LRP1B: variants seen among roughly 807,000 people sequenced by gnomAD.
LRP1B encodes LDL receptor related protein 1B.
A neutral mutation model predicts 556.6 loss-of-function variants in LRP1B; 217 were observed. The ratio of observed to expected loss-of-function variants is 0.39; its 90% CI spans 0.35 to 0.44. The LOEUF is 0.44. Ranked by LOEUF, LRP1B falls within the 20% of genes least tolerant of loss-of-function variation. The probability of loss-of-function intolerance (pLI) is 1.00; values close to 1 mark genes in which losing one functional copy is unlikely to be tolerated. For synonymous variants in LRP1B, 2,047 were observed against 1,865.8 expected (o/e 1.10, Z -2.50); for missense variants, 5,053 against 5,620.8 (o/e 0.90, Z 3.23).
At chr2:142,107,466 C>T (rs1706787034) in intron 1 of LRP1B, among the ~76,000 whole-genome samples, 1 of 152,124 alleles carries the variant, frequency 6.6e-6, no homozygotes, top group Non-Finnish European at 1.5e-5. Context: ...AGGGCCCCAC[C>T]AGATGCTGAC....
At chr2:142,015,999 A>G (rs892791633) in intron 1 of LRP1B, among the ~76,000 whole-genome samples, 4 of 148,738 alleles carry the variant, frequency 2.7e-5, no homozygotes, top group African/African-American at 9.8e-5. Context: ...CTCAAAAAAA[A>G]AAAAAAAAAA....
chr2:140,331,621 G>A (rs1680816432), intron 79 of LRP1B, among the ~76,000 whole-genome samples: 1 of 150,902 alleles, frequency 6.6e-6, no homozygotes, highest in South Asian at 2.1e-4. Context: ...TGGAGCCCCT[G>A]GCTCAGAGGA....
Position 141,640,876 on chromosome 2 carries a change from T to C in LRP1B, c.206-160343A>G, listed in dbSNP as rs181732774. ...GGTTCTTCCCCAATAATTTTTCACATAACTCCTTCTTTACACAGAGCAATT... is the reference window on the plus strand; with the variant it reads ...GGTTCTTCCCCAATAATTTTTCACACAACTCCTTCTTTACACAGAGCAATT... On this transcript the variant is annotated intron_variant, in intron 2 of 90. Transcript: ENST00000389484. Among the ~76,000 whole-genome samples the C allele has an allele frequency of 3.6e-3, 544 of 152,238 alleles. 6 individuals are homozygous for C. Among genetic ancestry groups the C allele is most frequent in the Non-Finnish European group, 6.3e-3 (427 of 68,010 alleles).
Position 141,430,329 on chromosome 2 carries a change from G to A in LRP1B, c.343+50067C>T, listed in dbSNP as rs1680517391. 2.0e-5 allele frequency among the ~76,000 whole-genome samples: 3 copies of A among 151,970 alleles called. No individual in the cohort carries two copies. In the South Asian group the frequency reaches 6.2e-4, roughly 32 times the overall value. On this transcript the variant is annotated intron_variant, in intron 3 of 90. Coordinates refer to ENST00000389484, the MANE Select transcript of LRP1B (RefSeq NM_018557.3). ...TTTTAATTAATGTTCAATATCTCTT[G>A]TGATATTAAACAGTAGCTCATAAGA...
At chr2:141,496,335 G>A (rs1291021663) in intron 2 of LRP1B, among the ~76,000 whole-genome samples, 6 of 151,864 alleles carry the variant, frequency 4.0e-5, no homozygotes, top group Admixed American at 2.6e-4. Flanking sequence ...TTAAAGTGCC[G>A]ATTATGATTC....
At chr2:141,298,097 G>T (rs1304906557) in intron 3 of LRP1B, among the ~76,000 whole-genome samples, 1 of 150,510 alleles carries the variant, frequency 6.6e-6, no homozygotes. Flanking sequence ...TTTCATAAGG[G>T]TGTATCATTT....
intron 35 of LRP1B, among the ~76,000 whole-genome samples, chr2:140,749,394 TGTA>T: frequency 6.6e-6 from 1 of 151,466 alleles, no homozygotes. Flanking sequence ...TTTACTCTTT[TGTA>T]AGAATATACC....
At chr2:140,454,951 C>T (rs922435406) in intron 62 of LRP1B, among the ~76,000 whole-genome samples, 22 of 152,192 alleles carry the variant, frequency 1.4e-4, no homozygotes, top group Admixed American at 1.4e-3. Context: ...ACTAAGCCAG[C>T]GACAGCCTTA....
intron 63 of LRP1B, among the ~76,000 whole-genome samples, chr2:140,450,083 G>T (rs1686824191): frequency 1.3e-5 from 2 of 152,046 alleles, no homozygotes; most frequent in Non-Finnish European, 1.5e-5. Context: ...TTACCTAATG[G>T]CAATCTAATG....
intron 6 of LRP1B, among the ~76,000 whole-genome samples, chr2:141,216,110 G>A (rs1447898872): frequency 1.3e-5 from 2 of 152,094 alleles, no homozygotes; most frequent in East Asian, 3.9e-4. Context: ...TGGTTCCAGG[G>A]ACCAGGACCA....
chr2:140,666,482 TACAA>T (rs1685280738), intron 41 of LRP1B, among the ~76,000 whole-genome samples: 1 of 152,080 alleles, frequency 6.6e-6, no homozygotes, highest in Admixed American at 6.6e-5. Flanking sequence ...AAGCGATCCA[TACAA>T]ACATACAAGT....
chr2:140,390,466 A>T (rs142100298), intron 66 of LRP1B, among the ~76,000 whole-genome samples: 1,800 of 152,254 alleles, frequency 0.012, 22 homozygotes, highest in South Asian at 0.018. Flanking sequence ...GAAAGTATAA[A>T]CATAATGTAA....
intron 2 of LRP1B, among the ~76,000 whole-genome samples, chr2:141,722,579 T>A (rs1574284362): frequency 1.3e-5 from 2 of 152,192 alleles, no homozygotes; most frequent in East Asian, 3.9e-4. Context: ...GATAAAACTA[T>A]GTAAATAATG....
intron 60 of LRP1B, among the ~76,000 whole-genome samples, chr2:140,461,237 A>G (rs969228602): frequency 6.6e-6 from 1 of 152,018 alleles, no homozygotes; most frequent in African/African-American, 2.4e-5. Flanking sequence ...TTTCTGGGTA[A>G]TATCATTCTA....
chr2:140,267,270 G>A lies in LRP1B; in HGVS notation c.13247+2972C>T, dbSNP rs2046564. ...GAATTGATGAATAAACAATAACAGC[G>A]TAATTCTTCCTTGCTTCTTATATGG... On this transcript the variant is annotated intron_variant, in intron 86 of 90. Transcript: ENST00000389484. Among the ~76,000 whole-genome samples the A allele has an allele frequency of 9.9e-3, 1,504 of 151,978 alleles. 62 individuals are homozygous for A. In the East Asian group the frequency reaches 0.13, roughly 13 times the overall value.
intron 1 of LRP1B, among the ~76,000 whole-genome samples, chr2:142,069,501 A>T (rs1054622220): frequency 3.9e-5 from 4 of 102,160 alleles, no homozygotes; most frequent in Non-Finnish European, 8.6e-5. Flanking sequence ...CCCACCTCTG[A>T]ACCATAGTAA....
At chr2:140,596,247 C>G (rs916483082) in intron 43 of LRP1B, among the ~76,000 whole-genome samples, 1 of 152,210 alleles carries the variant, frequency 6.6e-6, no homozygotes, top group South Asian at 2.1e-4. Flanking sequence ...TTTGATGACC[C>G]CAGCTTCAAA....
At chr2:140,462,398 A>G (rs1388441875) in intron 60 of LRP1B, among the ~76,000 whole-genome samples, 1 of 152,202 alleles carries the variant, frequency 6.6e-6, no homozygotes, top group Non-Finnish European at 1.5e-5. Context: ...GGACATGCAA[A>G]GGTACAAATC....
chr2:141,414,412 T>TC (rs201492105), intron 3 of LRP1B, among the ~76,000 whole-genome samples: 1 of 149,406 alleles, frequency 6.7e-6, no homozygotes, highest in Non-Finnish European at 1.5e-5. Context: ...AACTAAAGCT[T>TC]CCCCCCTCAT....
Sources: gnomAD v4.1 joint callset for allele counts (sites outside exome capture counted in the v4.1 genomes callset) on GRCh38, gnomAD v4.1.1 for gene constraint, MANE v1.5 for transcripts, NCBI Gene and HGNC (gene_info 2026-07-23, HGNC 2026-07-21) for gene names.